Variants in CCDC7 observed in about 807,000 individuals in gnomAD.
CCDC7 encodes the protein coiled-coil domain-containing protein 7.
In CCDC7, 183 loss-of-function variants were observed where a neutral mutation model predicts 196.9. That is an observed-to-expected ratio of 0.93 (90% CI 0.82 to 1.05). CCDC7 has a LOEUF of 1.05. Among genes scored for constraint, CCDC7 ranks in the 50% least tolerant of loss-of-function variants. The pLI is 0.00. For missense variants in CCDC7, 1,540 were observed against 1,482.2 expected (o/e 1.04, Z -0.64); for synonymous variants, 525 against 484.6 (o/e 1.08, Z -1.10).
At chr10:32,719,883 G>C (rs553445582) in intron 25 of CCDC7, among the ~76,000 whole-genome samples, 1 of 152,284 alleles carries the variant, frequency 6.6e-6, no homozygotes, top group African/African-American at 2.4e-5. Context: ...ATGCTGGAGA[G>C]GATGTGGAGA....
intron 31 of CCDC7, among the ~76,000 whole-genome samples, chr10:32,815,572 G>T (rs1271351791): frequency 6.6e-6 from 1 of 151,968 alleles, no homozygotes; most frequent in Non-Finnish European, 1.5e-5. Flanking sequence ...GAGAGAATAA[G>T]AAAAAATATT....
intron 24 of CCDC7, among the ~76,000 whole-genome samples, chr10:32,706,940 A>T (rs1015374519): frequency 6.6e-5 from 10 of 152,232 alleles, no homozygotes; most frequent in African/African-American, 2.4e-4. Flanking sequence ...AATCAGTAGA[A>T]AAAGAGGGAA....
Position 32,568,162 on chromosome 10 carries a change from A to G in CCDC7, c.1419+271A>G, listed in dbSNP as rs752488853. On this transcript the variant is annotated intron_variant, in intron 15 of 41. Coordinates refer to ENST00000639629, the Ensembl canonical transcript of CCDC7. ...GCTGGGATTACAGGCATGCGCCACC[A>G]TGCCCGGCTAATTTTTGTATTTTTA... 1.4e-4 allele frequency among the ~76,000 whole-genome samples: 22 copies of G among 151,848 alleles called. 1 individual carries two copies. Among genetic ancestry groups the G allele is most frequent in the South Asian group, 4.2e-4 (2 of 4,804 alleles).
chr10:32,757,873 G>A (rs1430490266), intron 28 of CCDC7, among the ~76,000 whole-genome samples: 23 of 150,982 alleles, frequency 1.5e-4, no homozygotes, highest in Admixed American at 1.5e-3. Flanking sequence ...TAATAAAGAA[G>A]AAGAGAAGAA....
chr10:32,830,077 T>C (rs1447353499), intron 32 of CCDC7, among the ~76,000 whole-genome samples: 1 of 138,422 alleles, frequency 7.2e-6, no homozygotes, highest in Admixed American at 7.5e-5. Flanking sequence ...TGTGAGTTAA[T>C]ACTTAATAAA....
At chr10:32,822,444 T>G (rs1394380594) in intron 31 of CCDC7, among the ~76,000 whole-genome samples, 1 of 152,096 alleles carries the variant, frequency 6.6e-6, no homozygotes, top group Non-Finnish European at 1.5e-5. Flanking sequence ...AACCAAAAAA[T>G]GTAAATAAGT....
intron 41 of CCDC7, among the ~76,000 whole-genome samples, chr10:32,858,046 C>CA (rs940308832): frequency 7.7e-6 from 1 of 129,132 alleles, no homozygotes; most frequent in African/African-American, 2.5e-5. Flanking sequence ...ATAAATTCCT[C>CA]AAAAAATATA....
chr10:32,670,010 TATTA>T, intron 21 of CCDC7, among the ~76,000 whole-genome samples: 1 of 152,286 alleles, frequency 6.6e-6, no homozygotes, highest in East Asian at 1.9e-4. Context: ...ATCAAATGTC[TATTA>T]CATCCATCTT....
intron 11 of CCDC7, among the ~76,000 whole-genome samples, chr10:32,524,301 CTTGT>C (rs2048344914): frequency 6.6e-6 from 1 of 152,038 alleles, no homozygotes; most frequent in African/African-American, 2.4e-5. Context: ...ATTTCATCCA[CTTGT>C]TTGTTAATTG....
At chr10:32,869,185 G>A (rs1297433982) in intron 41 of CCDC7, among the ~76,000 whole-genome samples, 1 of 152,042 alleles carries the variant, frequency 6.6e-6, no homozygotes, top group African/African-American at 2.4e-5. Context: ...ACTCCCACCA[G>A]CAGTGTAAAA....
chr10:32,661,451 C>T (rs1042166166), intron 20 of CCDC7, among the ~76,000 whole-genome samples: 2 of 152,142 alleles, frequency 1.3e-5, no homozygotes, highest in African/African-American at 4.8e-5. Flanking sequence ...GAGGGAGTTT[C>T]TTACCATAGC....
intron 18 of CCDC7, among the ~76,000 whole-genome samples, chr10:32,610,167 C>A (rs528749838): frequency 2.0e-5 from 3 of 152,078 alleles, no homozygotes; most frequent in African/African-American, 4.8e-5. Flanking sequence ...TGCAGTGGCA[C>A]GATCTCGGCT....
chr10:32,696,587 G>C (rs1195025847), intron 24 of CCDC7, among the ~76,000 whole-genome samples: 1 of 151,988 alleles, frequency 6.6e-6, no homozygotes, highest in Non-Finnish European at 1.5e-5. Context: ...ATTAGTTATA[G>C]GGGCCAGCAC....
chr10:32,652,162 A>G (rs1190980178), intron 20 of CCDC7, among the ~76,000 whole-genome samples: 1 of 152,148 alleles, frequency 6.6e-6, no homozygotes, highest in Non-Finnish European at 1.5e-5. Context: ...ATCATAATAT[A>G]ATGGCTTGAT....
At chr10:32,784,937 G>A (rs1430327213) in intron 29 of CCDC7, among the ~76,000 whole-genome samples, 1 of 151,290 alleles carries the variant, frequency 6.6e-6, no homozygotes, top group Admixed American at 6.6e-5. Flanking sequence ...GGGAGGCAGA[G>A]GTTGCAGTGA....
chr10:32,595,283 A>G (rs1383145598), intron 18 of CCDC7, among the ~76,000 whole-genome samples: 4 of 152,008 alleles, frequency 2.6e-5, no homozygotes, highest in African/African-American at 9.7e-5. Context: ...TTGGGAGGGT[A>G]TATGTGTCGG....
intron 28 of CCDC7, among the ~76,000 whole-genome samples, chr10:32,769,423 T>A (rs1051686670): frequency 1.3e-5 from 2 of 152,188 alleles, no homozygotes; most frequent in Non-Finnish European, 2.9e-5. Flanking sequence ...TATCAATTTT[T>A]AAAAATCTTT....
At chr10:32,805,016 G>A (rs1461476550) in exon 30 of CCDC7, 1 of 1,592,480 alleles carries the variant, frequency 6.3e-7, no homozygotes, top group Non-Finnish European at 8.6e-7. Flanking sequence ...TTTCTATAGA[G>A]ACTGATATAG....
At chr10:32,852,125 C>T (rs1336746886) in intron 40 of CCDC7, among the ~76,000 whole-genome samples, 193 bp downstream of exon 41, 1 of 152,180 alleles carries the variant, frequency 6.6e-6, no homozygotes, top group East Asian at 1.9e-4. Flanking sequence ...ATTTCTCTTC[C>T]TCTTCTCCAT....
Sources: allele counts gnomAD v4.1 joint callset (sites outside exome capture counted in the v4.1 genomes callset), GRCh38; gene constraint gnomAD v4.1.1; transcripts MANE v1.5; gene names NCBI Gene and HGNC (gene_info 2026-07-23, HGNC 2026-07-21).